The following AFG1L variants were observed in gnomAD, a reference collection of about 807,000 sequenced individuals.
AFG1L encodes the protein AFG1-like ATPase.
A neutral mutation model predicts 62.2 loss-of-function variants in AFG1L; 53 were observed. The ratio of observed to expected loss-of-function variants is 0.85; its 90% CI spans 0.68 to 1.07. The LOEUF is 1.07. AFG1L is among the 50% of genes least tolerant of loss of function. AFG1L has a pLI of 0.00. For missense variants in AFG1L, 555 were observed against 590.5 expected (o/e 0.94, Z 0.62); for synonymous variants, 228 against 210.3 (o/e 1.08, Z -0.73).
At chr6:108,421,134 T>C (rs1482556979) in intron 7 of AFG1L, among the ~76,000 whole-genome samples, 1 of 152,110 alleles carries the variant, frequency 6.6e-6, no homozygotes, top group Non-Finnish European at 1.5e-5. Context: ...TTCATTTAGA[T>C]CATGAAAAGA....
At chr6:108,517,023 A>G (rs1774922683) in intron 11 of AFG1L, among the ~76,000 whole-genome samples, 2 of 152,254 alleles carry the variant, frequency 1.3e-5, no homozygotes, top group Non-Finnish European at 2.9e-5. Flanking sequence ...AAATGGAAGA[A>G]CATTCCATGC....
At chr6:108,302,222 C>T (rs1192195770) in intron 1 of AFG1L, among the ~76,000 whole-genome samples, 4 of 152,114 alleles carry the variant, frequency 2.6e-5, no homozygotes, top group Non-Finnish European at 4.4e-5. Context: ...GGATTACAGG[C>T]GTGAGCCATC....
intron 11 of AFG1L, among the ~76,000 whole-genome samples, chr6:108,512,387 G>A (rs1340029697): frequency 2.0e-5 from 3 of 152,170 alleles, no homozygotes; most frequent in African/African-American, 7.2e-5. Flanking sequence ...CATGTGATGG[G>A]TAATCTGGAG....
chr6:108,470,340 C>T (rs1288359426), intron 8 of AFG1L, among the ~76,000 whole-genome samples: 1 of 152,180 alleles, frequency 6.6e-6, no homozygotes, highest in African/African-American at 2.4e-5. Context: ...CCATTTCCCC[C>T]TCCTTATAAA....
intron 1 of AFG1L, among the ~76,000 whole-genome samples, chr6:108,313,932 C>T (rs1777500747): frequency 1.3e-5 from 2 of 152,162 alleles, no homozygotes; most frequent in Non-Finnish European, 2.9e-5. Flanking sequence ...AAATAATTCA[C>T]AGCTGGGTGC....
At chr6:108,410,291 C>T (rs539814401) in intron 7 of AFG1L, among the ~76,000 whole-genome samples, 11 of 150,960 alleles carry the variant, frequency 7.3e-5, no homozygotes, top group East Asian at 1.9e-4. Context: ...TGGGCAAGAG[C>T]GAGACTCTGT....
intron 3 of AFG1L, among the ~76,000 whole-genome samples, chr6:108,351,708 A>G (rs1158246273): frequency 1.3e-5 from 2 of 152,172 alleles, no homozygotes; most frequent in Non-Finnish European, 2.9e-5. Context: ...TAAAAAATGT[A>G]TTCAATTGTT....
chr6:108,443,408 A>G (rs1771627544), intron 7 of AFG1L, among the ~76,000 whole-genome samples: 2 of 152,246 alleles, frequency 1.3e-5, no homozygotes, highest in African/African-American at 4.8e-5. Flanking sequence ...ATTATTGCAT[A>G]GACCATTTCC....
intron 7 of AFG1L, among the ~76,000 whole-genome samples, chr6:108,419,880 T>A (rs2114684922): frequency 6.6e-6 from 1 of 152,318 alleles, no homozygotes; most frequent in East Asian, 1.9e-4. Context: ...GAAAACTTGT[T>A]TGATTATAAC....
chr6:108,453,533 A>G (rs1772138831), intron 8 of AFG1L, among the ~76,000 whole-genome samples: 1 of 152,236 alleles, frequency 6.6e-6, no homozygotes, highest in Non-Finnish European at 1.5e-5. Flanking sequence ...GTTTCAGAAG[A>G]AAGGTCTGTG....
intron 6 of AFG1L, among the ~76,000 whole-genome samples, chr6:108,385,974 G>A (rs1425042048): frequency 6.6e-6 from 1 of 152,128 alleles, no homozygotes; most frequent in Non-Finnish European, 1.5e-5. Context: ...ATTAGCTGGT[G>A]TGGTGGCACA....
intron 3 of AFG1L, among the ~76,000 whole-genome samples, chr6:108,347,423 A>T (rs1397850194): frequency 1.3e-5 from 2 of 152,198 alleles, no homozygotes; most frequent in South Asian, 2.1e-4. Context: ...ATTTCCATTA[A>T]TATTTCTAGT....
At chr6:108,337,589 A>G (rs1778519942) in intron 2 of AFG1L, among the ~76,000 whole-genome samples, 1 of 152,190 alleles carries the variant, frequency 6.6e-6, no homozygotes, top group African/African-American at 2.4e-5. Context: ...TTAATGAGAC[A>G]CAAAGGCCTA....
chr6:108,333,453 A>G (rs1319891183), intron 2 of AFG1L, among the ~76,000 whole-genome samples: 2 of 150,778 alleles, frequency 1.3e-5, no homozygotes, highest in Non-Finnish European at 3.0e-5. Flanking sequence ...GAATACATAA[A>G]GAACCCTGAC....
At chr6:108,413,721 G>A (rs866499043) in intron 7 of AFG1L, among the ~76,000 whole-genome samples, 18 of 152,150 alleles carry the variant, frequency 1.2e-4, no homozygotes, top group East Asian at 3.9e-4. Context: ...TGAAACCAAC[G>A]AGAACAAAGA....
chr6:108,358,129 T>A (rs988283441), intron 5 of AFG1L, among the ~76,000 whole-genome samples: 1 of 152,218 alleles, frequency 6.6e-6, no homozygotes, highest in South Asian at 2.1e-4. Flanking sequence ...AAGGGCCTCA[T>A]TGAGTCGTTT....
intron 1 of AFG1L, among the ~76,000 whole-genome samples, chr6:108,314,246 A>T (rs1373681172): frequency 1.3e-5 from 2 of 152,120 alleles, no homozygotes; most frequent in Non-Finnish European, 2.9e-5. Flanking sequence ...AAAGAAAAAA[A>T]AAGATAAGAA....
chr6:108,405,804 C>A (rs1384552172), intron 7 of AFG1L, among the ~76,000 whole-genome samples: 1 of 152,178 alleles, frequency 6.6e-6, no homozygotes, highest in Admixed American at 6.6e-5. Context: ...CTTTCCCAAC[C>A]CTGATTACCA....
chr6:108,441,712 A>T (rs9486881), intron 7 of AFG1L, among the ~76,000 whole-genome samples: 13,035 of 139,360 alleles, frequency 0.094, 708 homozygotes, highest in Non-Finnish European at 0.12. Context: ...AAAAAAAAAA[A>T]ATATATATAT....
Sources: allele counts gnomAD v4.1 joint callset (sites outside exome capture counted in the v4.1 genomes callset), GRCh38; gene constraint gnomAD v4.1.1; transcripts MANE v1.5; gene names NCBI Gene and HGNC (gene_info 2026-07-23, HGNC 2026-07-21).